Variants in CDH18 observed in about 807,000 individuals in gnomAD.
CDH18 encodes the protein cadherin 18, also known as cadherin-18.
Under a neutral mutation model 67.9 loss-of-function variants are expected in CDH18, and 31 were observed. The observed-to-expected ratio is 0.46, with a 90% CI of 0.34 to 0.62. CDH18 has a LOEUF of 0.62. CDH18 is among the 20% of genes least tolerant of loss of function. The pLI is 0.01. For synonymous variants in CDH18, 362 were observed against 347.2 expected (o/e 1.04, Z -0.48); for missense variants, 890 against 975.5 (o/e 0.91, Z 1.17).
chr5:20,288,459 A>C (rs1254632274), intron 1 of CDH18, among the ~76,000 whole-genome samples: 1 of 151,526 alleles, frequency 6.6e-6, no homozygotes, highest in Non-Finnish European at 1.5e-5. Flanking sequence ...ATATATATAT[A>C]TATATGCATT....
At chr5:19,964,647 C>CAAA (rs10719096) in intron 2 of CDH18, among the ~76,000 whole-genome samples, 2 of 77,236 alleles carry the variant, frequency 2.6e-5, no homozygotes, top group Non-Finnish European at 3.4e-5. Context: ...GGCCCTGTAT[C>CAAA]AAAAAAAAAA....
chr5:19,820,376 G>T (rs2149942297), intron 3 of CDH18, among the ~76,000 whole-genome samples: 1 of 152,228 alleles, frequency 6.6e-6, no homozygotes, highest in East Asian at 1.9e-4. Context: ...GGGAGTGACA[G>T]CTGGGCAGTT....
At chr5:20,106,572 G>A (rs1370036470) in intron 2 of CDH18, among the ~76,000 whole-genome samples, 1 of 152,112 alleles carries the variant, frequency 6.6e-6, no homozygotes, top group African/African-American at 2.4e-5. Context: ...GAATAATTAT[G>A]ATATATAATA....
chr5:20,108,618 C>T (rs1011720565), intron 2 of CDH18, among the ~76,000 whole-genome samples: 2 of 152,074 alleles, frequency 1.3e-5, no homozygotes, highest in Non-Finnish European at 2.9e-5. Flanking sequence ...CTTTCATCTC[C>T]GCCTCCCTAC....
intron 1 of CDH18, among the ~76,000 whole-genome samples, chr5:20,483,338 G>T (rs184221974): frequency 6.6e-6 from 1 of 151,894 alleles, no homozygotes; most frequent in Non-Finnish European, 1.5e-5. Context: ...AAATTTCCAT[G>T]CTATGCAAAG....
chr5:20,199,987 A>G (rs573050602), intron 2 of CDH18, among the ~76,000 whole-genome samples: 1 of 152,314 alleles, frequency 6.6e-6, no homozygotes, highest in Non-Finnish European at 1.5e-5. Flanking sequence ...CTGTGAATCA[A>G]GTAAAACTCT....
At chr5:19,667,211 T>C (rs1758081428) in intron 5 of CDH18, among the ~76,000 whole-genome samples, 1 of 151,736 alleles carries the variant, frequency 6.6e-6, no homozygotes, top group Admixed American at 6.6e-5. Context: ...AATACTATGA[T>C]GTATATCTTT....
chr5:20,502,447 T>C (rs1047081948), intron 1 of CDH18, among the ~76,000 whole-genome samples: 1 of 152,146 alleles, frequency 6.6e-6, no homozygotes, highest in African/African-American at 2.4e-5. Flanking sequence ...ATGATAAAGA[T>C]GGAGTCACTG....
At chr5:20,182,389 G>A (rs1737754110) in intron 2 of CDH18, among the ~76,000 whole-genome samples, 1 of 151,804 alleles carries the variant, frequency 6.6e-6, no homozygotes, top group Non-Finnish European at 1.5e-5. Flanking sequence ...GATCACCTGA[G>A]GTGAGGAGTT....
intron 2 of CDH18, among the ~76,000 whole-genome samples, chr5:20,184,959 G>A (rs893597020): frequency 3.3e-5 from 5 of 151,868 alleles, no homozygotes; most frequent in Non-Finnish European, 7.4e-5. Flanking sequence ...CAGACCTCAG[G>A]GTCACCATCA....
At chr5:20,263,868 G>C (rs544469943) in intron 1 of CDH18, among the ~76,000 whole-genome samples, 1 of 151,906 alleles carries the variant, frequency 6.6e-6, no homozygotes, top group African/African-American at 2.4e-5. Context: ...TAAGGTGTGA[G>C]CTCTTTCATT....
chr5:20,077,475 G>T (rs542317219), intron 2 of CDH18, among the ~76,000 whole-genome samples: 1 of 152,266 alleles, frequency 6.6e-6, no homozygotes, highest in African/African-American at 2.4e-5. Flanking sequence ...TCCCTAGGCT[G>T]GGATGGCAGT....
At chr5:20,301,351 A>G (rs1283683033) in intron 1 of CDH18, among the ~76,000 whole-genome samples, 5 of 152,084 alleles carry the variant, frequency 3.3e-5, no homozygotes, top group Non-Finnish European at 7.4e-5. Flanking sequence ...TAAAAAGCAA[A>G]CCATTTATCC....
Position 20,111,498 on chromosome 5 carries a change from C to T in CDH18, c.-517-119484G>A, listed in dbSNP as rs902620119. Reference sequence around the variant, plus strand: ...AATGAGAACAGAAGTAATATAAAATCTTCCTTCCTTCCCTCCCTCCCTCCC... The same window carrying T: ...AATGAGAACAGAAGTAATATAAAATTTTCCTTCCTTCCCTCCCTCCCTCCC... On this transcript the variant is annotated intron_variant, in intron 2 of 14. Transcript: ENST00000507958. Among the ~76,000 whole-genome samples, 5 of 145,806 alleles carry T rather than the reference C, an allele frequency of 3.4e-5. No homozygotes were observed. In the South Asian group the frequency reaches 8.8e-4, roughly 26 times the overall value.
At chr5:19,519,384 A>G (rs1440702356) in intron 10 of CDH18, among the ~76,000 whole-genome samples, 1 of 152,212 alleles carries the variant, frequency 6.6e-6, no homozygotes, top group Non-Finnish European at 1.5e-5. Context: ...ATTTCAGCAC[A>G]AGTTTCAAAA....
At chr5:20,094,885 A>C (rs1745749108) in intron 2 of CDH18, among the ~76,000 whole-genome samples, 1 of 152,206 alleles carries the variant, frequency 6.6e-6, no homozygotes. Flanking sequence ...TATTCACAAT[A>C]GCAAAGACTT....
chr5:20,553,387 C>G (rs1313042128), intron 1 of CDH18, among the ~76,000 whole-genome samples: 1 of 152,130 alleles, frequency 6.6e-6, no homozygotes, highest in Non-Finnish European at 1.5e-5. Flanking sequence ...CATTAGCACT[C>G]TTCTGTCCTT....
At chr5:20,492,536 T>G (rs2126393198) in intron 1 of CDH18, among the ~76,000 whole-genome samples, 1 of 152,322 alleles carries the variant, frequency 6.6e-6, no homozygotes, top group East Asian at 1.9e-4. Context: ...ATGTTATACA[T>G]ATGAAATATC....
chr5:20,426,787 T>A (rs1191400294), intron 1 of CDH18, among the ~76,000 whole-genome samples: 1 of 151,192 alleles, frequency 6.6e-6, no homozygotes, highest in Admixed American at 6.6e-5. Flanking sequence ...ACAATATAAC[T>A]TTTAATGATA....
Sources: gnomAD v4.1 joint callset for allele counts (sites outside exome capture counted in the v4.1 genomes callset) on GRCh38, gnomAD v4.1.1 for gene constraint, MANE v1.5 for transcripts, NCBI Gene and HGNC (gene_info 2026-07-23, HGNC 2026-07-21) for gene names.